Variants in SNTG2 observed in about 807,000 individuals in gnomAD.
The protein encoded by SNTG2 is syntrophin gamma 2, also known as gamma-2-syntrophin.
Under a neutral mutation model 70.9 loss-of-function variants are expected in SNTG2, and 74 were observed. That is an observed-to-expected ratio of 1.04 (90% CI 0.86 to 1.27). The LOEUF (loss-of-function observed/expected upper bound fraction) is 1.27, where lower values mean the gene tolerates loss of function less well. SNTG2 is among the 50% of genes most tolerant of loss of function. SNTG2 has a pLI of 0.00. For synonymous variants in SNTG2, 278 were observed against 273.8 expected, an observed-to-expected ratio of 1.02 and a Z score of -0.15; for missense variants, 717 against 690.7, an observed-to-expected ratio of 1.04 and a Z score of -0.43.
intron 1 of SNTG2, among the ~76,000 whole-genome samples, chr2:1,003,188 A>G (rs1425406477): frequency 6.6e-6 from 1 of 152,174 alleles, no homozygotes; most frequent in Non-Finnish European, 1.5e-5. Context: ...TGCATGCACC[A>G]CTACATGGTA....
intron 12 of SNTG2, chr2:1,256,419 T>C (rs563485371): frequency 6.6e-6 from 1 of 152,286 alleles, no homozygotes; most frequent in Non-Finnish European, 1.5e-5. Flanking sequence ...CTACCTCCTA[T>C]CTGAACTACA....
At chr2:1,312,515 C>T (rs1681051302) in intron 15 of SNTG2, among the ~76,000 whole-genome samples, 2 of 152,196 alleles carry the variant, frequency 1.3e-5, no homozygotes, top group South Asian at 4.1e-4. Flanking sequence ...AGGAGGGGTG[C>T]CGCCTGAGTC....
Position 1,197,549 on chromosome 2 carries a change from G to GTGTGTA in SNTG2, c.592-11553_592-11552insGTGTAT, listed in dbSNP as rs1553353498. ...TGTGTGTGTGTGTGTGTGTGTGTGT[G>GTGTGTA]TATATTTGATACAGGTTCTCACTGT... On this transcript the variant is annotated intron_variant, in intron 8 of 16. Transcript: ENST00000308624. Among the ~76,000 whole-genome samples, 50 of 138,708 alleles carry GTGTGTA rather than the reference G, an allele frequency of 3.6e-4. No homozygotes were observed. The East Asian group carries it at 0.012, about 33-fold the overall frequency. The allele number at this position is 138,708 out of a possible 152,430, so 91.0% of individuals were successfully genotyped here.
At chr2:1,140,356 G>T (rs28413619) in intron 6 of SNTG2, among the ~76,000 whole-genome samples, 1 of 152,050 alleles carries the variant, frequency 6.6e-6, no homozygotes, top group African/African-American at 2.4e-5. Flanking sequence ...AGCTACAGCC[G>T]AGTAAACTGT....
chr2:1,294,001 C>T (rs760899017), intron 14 of SNTG2, among the ~76,000 whole-genome samples: 7 of 152,204 alleles, frequency 4.6e-5, no homozygotes, highest in Admixed American at 2.6e-4. Flanking sequence ...CCAAGTCAGA[C>T]GGTGCCACAT....
At chr2:1,162,376 T>C (rs1173170878) in intron 6 of SNTG2, among the ~76,000 whole-genome samples, 1 of 152,182 alleles carries the variant, frequency 6.6e-6, no homozygotes, top group Non-Finnish European at 1.5e-5. Context: ...GGAAGCTGTG[T>C]GTGGCCTGGT....
intron 1 of SNTG2, among the ~76,000 whole-genome samples, chr2:1,035,028 T>C (rs962645555): frequency 2.0e-5 from 3 of 152,106 alleles, no homozygotes; most frequent in African/African-American, 7.2e-5. Flanking sequence ...TCAACCACAG[T>C]GCAATAAAAA....
chr2:1,186,566 A>G (rs931772207), intron 8 of SNTG2, among the ~76,000 whole-genome samples: 2 of 152,194 alleles, frequency 1.3e-5, no homozygotes, highest in Non-Finnish European at 2.9e-5. Context: ...GACCTCAGAA[A>G]ACTTAAACAA....
rs144699359 is a variant in SNTG2 at position 1,206,853 on chromosome 2, G to T, written c.592-2250G>T. ...TTTGTTTATTTAAATATTGTGCATT[G>T]TATAGTAGAATCCTCTATGCAATTT... On this transcript the variant is annotated intron_variant, in intron 8 of 16. Transcript: ENST00000308624. Among the ~76,000 whole-genome samples the T allele has an allele frequency of 2.1e-3, 327 of 152,296 alleles. 3 individuals are homozygous for T. Among genetic ancestry groups the T allele is most frequent in the East Asian group, 0.017 (86 of 5,182 alleles).
chr2:1,192,350 G>A (rs1317377883), intron 8 of SNTG2, among the ~76,000 whole-genome samples: 1 of 152,138 alleles, frequency 6.6e-6, no homozygotes, highest in Non-Finnish European at 1.5e-5. Context: ...CTTCACCATA[G>A]ACTCCACACC....
intron 1 of SNTG2, among the ~76,000 whole-genome samples, chr2:1,075,353 C>CA (rs562003448): frequency 1.3e-5 from 2 of 152,290 alleles, no homozygotes; most frequent in South Asian, 4.1e-4. Flanking sequence ...AAGTCTCAGC[C>CA]AAAGACCCTG....
rs1221809313 is a variant in SNTG2, at chr2:1,243,989, G to A, written c.889-3338G>A. The stretch of plus-strand genomic sequence containing the variant: ...TGCAGTGAGCCAAGAGCGTGCCACT[G>A]CACTCCAGCCCGGGCGACAGAGCAA... On this transcript the variant is annotated intron_variant, in intron 11 of 16. Coordinates refer to ENST00000308624, the MANE Select transcript of SNTG2 (RefSeq NM_018968.4). 3.9e-5 allele frequency among the ~76,000 whole-genome samples: 6 copies of A among 152,300 alleles called. No homozygotes were observed. The South Asian group carries it at 8.3e-4, about 21-fold the overall frequency.
At chr2:1,131,059 C>T (rs1342220323) in intron 4 of SNTG2, among the ~76,000 whole-genome samples, 3 of 152,176 alleles carry the variant, frequency 2.0e-5, no homozygotes, top group Non-Finnish European at 4.4e-5. Flanking sequence ...GAGCCCCAGA[C>T]AAGACACAGC....
intron 16 of SNTG2, among the ~76,000 whole-genome samples, chr2:1,365,408 A>T (rs979368546): frequency 1.3e-5 from 2 of 152,226 alleles, no homozygotes; most frequent in African/African-American, 4.8e-5. Flanking sequence ...TCACATGCAT[A>T]GGAAGGAACT....
At chr2:1,309,371 TG>T (rs767313417) in intron 15 of SNTG2, among the ~76,000 whole-genome samples, 1 of 152,254 alleles carries the variant, frequency 6.6e-6, no homozygotes, top group Non-Finnish European at 1.5e-5. Flanking sequence ...CACTGGGAAC[TG>T]CGCCTTCTTT....
At chr2:1,183,866 G>A (rs1294686342) in intron 8 of SNTG2, among the ~76,000 whole-genome samples, 1 of 152,084 alleles carries the variant, frequency 6.6e-6, no homozygotes, top group African/African-American at 2.4e-5. Flanking sequence ...GTTTTTCCAT[G>A]TATATCCAAT....
chr2:1,011,537 G>A lies in SNTG2; in HGVS notation c.72+60469G>A, dbSNP rs79384468. On this transcript the variant is annotated intron_variant, in intron 1 of 16. Transcript: ENST00000308624. ...ACCGTATTTGCATTTTAGTTCTATTGTTTTTTCTTTTTGGTTGCTGGTGGC... is the reference window on the plus strand; with the variant it reads ...ACCGTATTTGCATTTTAGTTCTATTATTTTTTCTTTTTGGTTGCTGGTGGC... Among the ~76,000 whole-genome samples, 1,194 of 152,216 alleles carry A rather than the reference G, an allele frequency of 7.8e-3. 11 individuals carry two copies. Among genetic ancestry groups the A allele is most frequent in the African/African-American group, 0.027 (1,127 of 41,532 alleles).
chr2:1,122,689 T>A (rs1232510111), intron 4 of SNTG2, among the ~76,000 whole-genome samples: 3 of 141,202 alleles, frequency 2.1e-5, no homozygotes, highest in African/African-American at 7.8e-5. Flanking sequence ...TTATTCAACA[T>A]GACACTGGAA....
intron 13 of SNTG2, chr2:1,262,987 T>A (rs1322033648): frequency 6.6e-6 from 1 of 152,232 alleles, no homozygotes; most frequent in Non-Finnish European, 1.5e-5. Context: ...ACAGGAACTA[T>A]CTGGGGAAAT....
Sources: allele counts gnomAD v4.1 joint callset (sites outside exome capture counted in the v4.1 genomes callset), GRCh38; gene constraint gnomAD v4.1.1; transcripts MANE v1.5; gene names NCBI Gene and HGNC (gene_info 2026-07-23, HGNC 2026-07-21).